Variants in MLKL observed in about 807,000 individuals in gnomAD.
MLKL encodes mixed lineage kinase domain like pseudokinase.
A neutral mutation model predicts 56.5 loss-of-function variants in MLKL; 55 were observed. That is an observed-to-expected ratio of 0.97 (90% confidence interval 0.78 to 1.22). MLKL has a LOEUF of 1.22. Ranked by LOEUF, MLKL falls within the 50% of genes most tolerant of loss-of-function variation. MLKL has a pLI of 0.00. For synonymous variants in MLKL, 251 were observed against 208.3 expected (o/e 1.20, Z -1.76); for missense variants, 694 against 573.9 (o/e 1.21, Z -2.14).
chr16:74,684,860 C>T (rs1204524317), intron 5 of MLKL, among the ~76,000 whole-genome samples: 1 of 151,700 alleles, frequency 6.6e-6, no homozygotes, highest in Non-Finnish European at 1.5e-5. Context: ...GGTCAGACAG[C>T]TTTATAATTT....
intron 4 of MLKL, among the ~76,000 whole-genome samples, chr16:74,688,152 T>C (rs1960449795): frequency 6.6e-6 from 1 of 151,824 alleles, no homozygotes; most frequent in East Asian, 2.0e-4. Context: ...GTATTTTTAG[T>C]GGAGATGGGG....
intron 10 of MLKL, among the ~76,000 whole-genome samples, chr16:74,673,791 C>G (rs1959392360): frequency 6.6e-6 from 1 of 151,776 alleles, no homozygotes; most frequent in Non-Finnish European, 1.5e-5. Context: ...AAAAAGACAA[C>G]AAGATAATGC....
rs575105773 is a variant in MLKL, at chr16:74,678,994, AG to A, written c.957-15del. Reference sequence around the variant, plus strand: ...GAATGGTGTAGCCTGACACAGCCAAAGGCGGGGAGCATAAGTACCTTTGCCC... The same window carrying A: ...GAATGGTGTAGCCTGACACAGCCAAAGCGGGGAGCATAAGTACCTTTGCCC... On this transcript the variant is annotated splice_polypyrimidine_tract_variant and intron_variant, in intron 6 of 10. Transcript: ENST00000308807. The A allele has an allele frequency of 7.9e-4, 1,279 of 1,612,392 alleles. 13 individuals are homozygous for A. The African/African-American group carries it at 0.016, about 21-fold the overall frequency.
intron 4 of MLKL, among the ~76,000 whole-genome samples, chr16:74,689,059 G>A (rs1960505712): frequency 6.6e-6 from 1 of 152,016 alleles, no homozygotes; most frequent in Non-Finnish European, 1.5e-5. Context: ...AGGGGTGAAA[G>A]AGGAATGACT....
chr16:74,678,344 T>C (rs1959733553), intron 7 of MLKL: 1 of 155,540 alleles, frequency 6.4e-6, no homozygotes. Context: ...TAAGGGGAAA[T>C]GACTTGTAGC....
At chr16:74,678,553 G>C (rs781454432) in intron 7 of MLKL, 6 of 213,900 alleles carry the variant, frequency 2.8e-5, no homozygotes, top group African/African-American at 1.4e-4. Flanking sequence ...GGAGGCCCAG[G>C]TGGGCGGATC....
intron 3 of MLKL, among the ~76,000 whole-genome samples, 178 bp from the exon 4 acceptor site, chr16:74,691,641 G>A (rs570273581): frequency 6.6e-6 from 1 of 152,160 alleles, no homozygotes; most frequent in African/African-American, 2.4e-5. Context: ...GTGCCTCTGA[G>A]TGACCAGTAG....
At chr16:74,690,370 C>T (rs975765106) in intron 4 of MLKL, among the ~76,000 whole-genome samples, 1 of 152,120 alleles carries the variant, frequency 6.6e-6, no homozygotes, top group East Asian at 1.9e-4. Flanking sequence ...TATCCCATGG[C>T]CCATCATTTT....
chr16:74,698,488 G>A (rs1165624926), intron 1 of MLKL, among the ~76,000 whole-genome samples: 1 of 152,076 alleles, frequency 6.6e-6, no homozygotes, highest in Non-Finnish European at 1.5e-5. Context: ...CAGTTATTAG[G>A]GCACTCCTAA....
intron 10 of MLKL, 92 bp downstream of exon 10, chr16:74,674,868 A>G: frequency 6.7e-7 from 1 of 1,483,390 alleles, no homozygotes; most frequent in East Asian, 2.3e-5. Context: ...CCCTCGTTGT[A>G]AACTACTGCC....
chr16:74,675,453 C>G, intron 8 of MLKL, 49 bp from the exon 9 acceptor site: 1 of 1,600,474 alleles, frequency 6.2e-7, no homozygotes, highest in Non-Finnish European at 8.5e-7. Context: ...CTCCCCTTTC[C>G]CCTGTCCCTC....
In MLKL at chr16:74,687,834, A is replaced by AT. The variant is rs1029516508; in HGVS notation, c.723-2252dup. Among the ~76,000 whole-genome samples the AT allele has an allele frequency of 1.1e-3, 171 of 150,178 alleles. 2 individuals carry two copies. Among genetic ancestry groups the AT allele is most frequent in the African/African-American group, 3.4e-3 (140 of 40,970 alleles). On this transcript the variant is annotated intron_variant, in intron 4 of 10. Transcript: ENST00000308807. ...CAGGTGCCTGCCACCACGCCTGGCT[A>AT]TTTTTTTTTGCGATGGAGTCTTGCT...
intron 4 of MLKL, among the ~76,000 whole-genome samples, chr16:74,689,370 C>T (rs1440732677): frequency 6.6e-6 from 1 of 152,128 alleles, no homozygotes; most frequent in East Asian, 1.9e-4. Flanking sequence ...CCCTCCTTGG[C>T]CTCCCAAAGT....
chr16:74,695,963 T>C (rs538070461), intron 1 of MLKL, among the ~76,000 whole-genome samples: 4 of 152,364 alleles, frequency 2.6e-5, no homozygotes, highest in Non-Finnish European at 4.4e-5. Context: ...GAAGAGCTGG[T>C]CCAGCCGGAA....
intron 4 of MLKL, among the ~76,000 whole-genome samples, chr16:74,689,424 T>C (rs1444587946): frequency 1.3e-5 from 2 of 152,182 alleles, no homozygotes; most frequent in Non-Finnish European, 2.9e-5. Context: ...CCTGTAAATA[T>C]ATTTAAAGCC....
intron 6 of MLKL, 84 bp from the exon 7 acceptor site, chr16:74,679,064 G>A (rs776138164): frequency 1.8e-6 from 2 of 1,086,898 alleles, no homozygotes. Flanking sequence ...GGCTGATGAG[G>A]CTGGACAGTA....
In MLKL at chr16:74,672,686, A is replaced by G. The variant is rs1959305023; in HGVS notation, c.1382-148T>C. 10 of 702,608 alleles carry G rather than the reference A, an allele frequency of 1.4e-5. No homozygotes were observed. In the South Asian group the frequency reaches 1.8e-4, roughly 13 times the overall value. 43.5% of individuals were successfully genotyped at this position (702,608 alleles called of 1,614,324 possible). ...CCTGAACCACCATCAGCACTCACAC[A>G]TTTGGGATATAAAGTTCTCTTACTT... On this transcript the variant is annotated intron_variant, in intron 10 of 10. Transcript: ENST00000308807.
intron 7 of MLKL, chr16:74,676,889 T>C (rs1959628035): frequency 6.6e-6 from 1 of 152,198 alleles, no homozygotes; most frequent in African/African-American, 2.4e-5. Flanking sequence ...GGAAATCTGA[T>C]ACAGGTAGAC....
At chr16:74,681,903 C>A (rs1284889104) in intron 6 of MLKL, among the ~76,000 whole-genome samples, 1 of 152,070 alleles carries the variant, frequency 6.6e-6, no homozygotes, top group Non-Finnish European at 1.5e-5. Flanking sequence ...TATGTACAAG[C>A]ATGCCCACAA....
Sources: allele counts gnomAD v4.1 joint callset (sites outside exome capture counted in the v4.1 genomes callset), GRCh38; gene constraint gnomAD v4.1.1; transcripts MANE v1.5; gene names NCBI Gene and HGNC (gene_info 2026-07-23, HGNC 2026-07-21).